The following GLG1 variants were observed in gnomAD, a reference collection of about 807,000 sequenced individuals.
GLG1 encodes Golgi apparatus protein 1.
Under a neutral mutation model 160.5 loss-of-function variants are expected in GLG1, and 38 were observed. That is an observed-to-expected ratio of 0.24 (90% CI 0.18 to 0.31). The LOEUF is 0.31. Ranked by LOEUF, GLG1 falls within the 10% of genes least tolerant of loss-of-function variation. GLG1 has a pLI of 1.00. For missense variants in GLG1, 1,373 were observed against 1,505.2 expected (o/e 0.91, Z 1.45); for synonymous variants, 644 against 543.4 (o/e 1.19, Z -2.57).
In GLG1 at chr16:74,450,949, G is replaced by C. The variant is rs1381364970; in HGVS notation, c.*2218C>G. ...ATTTTCTCTCAATTCAGAAAGAACA[G>C]AAATATCAACACAATTAGAACTATA... is the stretch of plus-strand genomic sequence containing the variant. On this transcript the variant is annotated 3_prime_UTR_variant, in exon 26 of 26. Coordinates refer to ENST00000422840, the MANE Select transcript of GLG1 (RefSeq NM_001145667.2). The C allele has an allele frequency of 6.6e-6, 1 of 151,968 alleles. No individual in the cohort carries two copies. Among genetic ancestry groups the C allele is most frequent in the African/African-American group, 2.4e-5 (1 of 41,362 alleles). The allele number at this position is 151,968 out of a possible 1,614,324, so 9.4% of individuals were successfully genotyped here.
At chr16:74,583,569 AG>A (rs1427283955) in intron 1 of GLG1, among the ~76,000 whole-genome samples, 2 of 152,130 alleles carry the variant, frequency 1.3e-5, no homozygotes, top group Non-Finnish European at 2.9e-5. Context: ...TAGCAGAGGC[AG>A]GGTTTCACCA....
chr16:74,466,540 G>A (rs965653388), intron 18 of GLG1, among the ~76,000 whole-genome samples: 1 of 152,168 alleles, frequency 6.6e-6, no homozygotes, highest in Non-Finnish European at 1.5e-5. Flanking sequence ...CTAACTAGTT[G>A]AGGAACACTA....
chr16:74,564,173 C>A (rs897224555), intron 1 of GLG1, among the ~76,000 whole-genome samples: 1 of 152,152 alleles, frequency 6.6e-6, no homozygotes, highest in Non-Finnish European at 1.5e-5. Flanking sequence ...CCCGCTTCGG[C>A]CTTCCAAAAT....
chr16:74,471,692 G>A (rs1373279949), intron 14 of GLG1, among the ~76,000 whole-genome samples: 4 of 152,092 alleles, frequency 2.6e-5, no homozygotes, highest in Non-Finnish European at 5.9e-5. Flanking sequence ...GTTGGAAGAA[G>A]GAGCCACTAT....
intron 1 of GLG1, among the ~76,000 whole-genome samples, chr16:74,577,185 C>G (rs770297963): frequency 6.6e-6 from 1 of 151,830 alleles, no homozygotes; most frequent in Non-Finnish European, 1.5e-5. Flanking sequence ...CTTGGCCTCC[C>G]AAAGTGCTGC....
At chr16:74,455,680 G>C (rs2014509499) in intron 25 of GLG1, among the ~76,000 whole-genome samples, 1 of 152,148 alleles carries the variant, frequency 6.6e-6, no homozygotes, top group Admixed American at 6.5e-5. Flanking sequence ...CAGGAAGGAG[G>C]GGTGGTCCTG....
chr16:74,497,652 T>G (rs2016248379), intron 4 of GLG1, among the ~76,000 whole-genome samples: 1 of 152,078 alleles, frequency 6.6e-6, no homozygotes, highest in Non-Finnish European at 1.5e-5. Context: ...TTAGCCAGGA[T>G]GGTCTCGATC....
intron 1 of GLG1, among the ~76,000 whole-genome samples, chr16:74,547,873 C>T (rs191607171): frequency 9.5e-4 from 145 of 152,336 alleles, no homozygotes; most frequent in African/African-American, 3.2e-3. Flanking sequence ...ATTTAATCCA[C>T]TGATGATGGC....
chr16:74,513,679 TG>T (rs2016884924), intron 2 of GLG1, among the ~76,000 whole-genome samples: 1 of 151,960 alleles, frequency 6.6e-6, no homozygotes, highest in Non-Finnish European at 1.5e-5. Context: ...AGGTAGAAGA[TG>T]GGGAGAAACC....
intron 1 of GLG1, among the ~76,000 whole-genome samples, chr16:74,540,357 T>C (rs1164260949): frequency 6.6e-6 from 1 of 150,720 alleles, no homozygotes; most frequent in Admixed American, 6.7e-5. Context: ...CTACCGTGTA[T>C]AAAAAAATGT....
chr16:74,493,784 A>G lies in GLG1; in HGVS notation c.1051-644T>C, dbSNP rs200781554. On this transcript the variant is annotated intron_variant, in intron 6 of 25. Transcript: ENST00000422840. ...AAAAATTAAATAGCTAATTGCCTAG[A>G]AAGCACATTGATTTGGTTAACCTAA... 9.3e-4 allele frequency among the ~76,000 whole-genome samples: 141 copies of G among 152,342 alleles called. 1 individual carries two copies. Among genetic ancestry groups the G allele is most frequent in the Non-Finnish European group, 1.7e-3 (116 of 68,032 alleles).
At chr16:74,517,931 G>C (rs1267758059) in intron 2 of GLG1, among the ~76,000 whole-genome samples, 1 of 152,132 alleles carries the variant, frequency 6.6e-6, no homozygotes, top group Admixed American at 6.5e-5. Flanking sequence ...GCCCAATCAT[G>C]AGTGAACTCC....
intron 1 of GLG1, among the ~76,000 whole-genome samples, chr16:74,578,053 T>G (rs1957855012): frequency 6.6e-6 from 1 of 152,154 alleles, no homozygotes; most frequent in African/African-American, 2.4e-5. Flanking sequence ...ATTTGCTCCT[T>G]GTTCTCTGTT....
intron 3 of GLG1, among the ~76,000 whole-genome samples, chr16:74,507,975 G>C (rs186124812): frequency 2.0e-5 from 3 of 151,822 alleles, no homozygotes; most frequent in Non-Finnish European, 2.9e-5. Context: ...CTTTCTGCTC[G>C]GAAGCCCCAA....
chr16:74,556,214 A>G (rs1397894329), intron 1 of GLG1, among the ~76,000 whole-genome samples: 1 of 152,198 alleles, frequency 6.6e-6, no homozygotes, highest in African/African-American at 2.4e-5. Flanking sequence ...TACTCTTACT[A>G]TAACAAAGTG....
intron 1 of GLG1, among the ~76,000 whole-genome samples, chr16:74,549,897 C>G (rs1358432530): frequency 5.3e-5 from 8 of 151,864 alleles, no homozygotes; most frequent in East Asian, 1.9e-4. Flanking sequence ...GGGGATCACT[C>G]AAGCCCAGGT....
intron 1 of GLG1, among the ~76,000 whole-genome samples, chr16:74,555,946 C>G (rs1445477321): frequency 6.6e-6 from 1 of 151,350 alleles, no homozygotes; most frequent in Admixed American, 6.6e-5. Flanking sequence ...CTCAAGCAAT[C>G]CTCCCGCCTC....
At chr16:74,519,307 G>A (rs1030429108) in intron 2 of GLG1, among the ~76,000 whole-genome samples, 12 of 151,358 alleles carry the variant, frequency 7.9e-5, no homozygotes, top group Non-Finnish European at 1.6e-4. Context: ...GTCACAGGGA[G>A]GGGAACATCA....
At chr16:74,549,035 A>G (rs1032206135) in intron 1 of GLG1, among the ~76,000 whole-genome samples, 10 of 152,306 alleles carry the variant, frequency 6.6e-5, no homozygotes, top group African/African-American at 1.9e-4. Context: ...TTAATTTTTC[A>G]GTCATTTGCC....
Sources: allele counts gnomAD v4.1 joint callset (sites outside exome capture counted in the v4.1 genomes callset), GRCh38; gene constraint gnomAD v4.1.1; transcripts MANE v1.5; gene names NCBI Gene and HGNC (gene_info 2026-07-23, HGNC 2026-07-21).